Variants in NCKAP5 observed in about 807,000 individuals in gnomAD.
NCKAP5 encodes nck-associated protein 5.
Under a neutral mutation model 167.0 loss-of-function variants are expected in NCKAP5, and 92 were observed. That is an observed-to-expected ratio of 0.55 (90% CI 0.47 to 0.66). The LOEUF (loss-of-function observed/expected upper bound fraction) is 0.66, where lower values mean the gene tolerates loss of function less well. Ranked by LOEUF, NCKAP5 falls within the 30% of genes least tolerant of loss-of-function variation. NCKAP5 has a pLI of 0.00. For missense variants in NCKAP5, 2,378 were observed against 2,315.0 expected, an observed-to-expected ratio of 1.03 and a Z score of -0.56; for synonymous variants, 891 against 877.4, an observed-to-expected ratio of 1.02 and a Z score of -0.27.
chr2:133,664,700 A>T, the NCKAP5 span, among the ~76,000 whole-genome samples: 1 of 152,130 alleles, frequency 6.6e-6, no homozygotes, highest in Non-Finnish European at 1.5e-5. Flanking sequence ...AGGTTTCACC[A>T]TGTTGGCCAG....
intron 6 of NCKAP5, among the ~76,000 whole-genome samples, chr2:133,092,414 C>T (rs948543922): frequency 1.6e-4 from 24 of 152,278 alleles, no homozygotes; most frequent in African/African-American, 5.8e-4. Context: ...TCCCTAGAGC[C>T]TTCTGAAGGA....
chr2:133,118,732 A>T (rs1397434322), intron 6 of NCKAP5: 1 of 152,172 alleles, frequency 6.6e-6, no homozygotes, highest in African/African-American at 2.4e-5. Flanking sequence ...AGCTAAACAC[A>T]TATTGTCCAA....
chr2:133,585,549 C>T, the NCKAP5 span, among the ~76,000 whole-genome samples: 1 of 152,240 alleles, frequency 6.6e-6, no homozygotes, highest in South Asian at 2.1e-4. Flanking sequence ...AAATGAACAT[C>T]ACAAAATATC....
At chr2:132,679,485 C>G (rs1459827070) in intron 19 of NCKAP5, among the ~76,000 whole-genome samples, 1 of 152,110 alleles carries the variant, frequency 6.6e-6, no homozygotes, top group Non-Finnish European at 1.5e-5. Flanking sequence ...TACTACCACC[C>G]AACATCTCTG....
intron 15 of NCKAP5, 83 bp from the exon 16 acceptor site, chr2:132,773,977 C>A (rs1227028745): frequency 1.7e-6 from 2 of 1,157,756 alleles, no homozygotes; most frequent in African/African-American, 1.5e-5. Flanking sequence ...ATGGTACATT[C>A]TATAACAAAT....
chr2:133,355,421 T>C (rs1684642802), intron 3 of NCKAP5, among the ~76,000 whole-genome samples: 1 of 152,224 alleles, frequency 6.6e-6, no homozygotes, highest in Non-Finnish European at 1.5e-5. Context: ...CTTCTCAAGA[T>C]ATAAGATGCT....
At chr2:133,049,228 C>T (rs1559086814) in intron 6 of NCKAP5, among the ~76,000 whole-genome samples, 1 of 152,204 alleles carries the variant, frequency 6.6e-6, no homozygotes, top group East Asian at 1.9e-4. Flanking sequence ...TTCTCAAGTC[C>T]AGCAAACAGA....
chr2:133,116,748 C>G (rs1187202017), intron 6 of NCKAP5, among the ~76,000 whole-genome samples: 2 of 152,158 alleles, frequency 1.3e-5, no homozygotes, highest in Non-Finnish European at 2.9e-5. Flanking sequence ...ACAGACAGAC[C>G]TGACTTAAAT....
Position 133,205,292 on chromosome 2 carries a change from T to TAGATAGATAGATAGAC in NCKAP5, c.207+8423_207+8424insGTCTATCTATCTATCT, listed in dbSNP as rs1401539392. ...GGGTAACACAGCCAGACTCTGAAAT[T>TAGATAGATAGATAGAC]AGATAGATAGATAGATAGATAGATA... On this transcript the variant is annotated intron_variant, in intron 5 of 19. Coordinates refer to ENST00000409261, the MANE Select transcript of NCKAP5 (RefSeq NM_207363.3). 4.2e-3 allele frequency among the ~76,000 whole-genome samples: 183 copies of TAGATAGATAGATAGAC among 43,608 alleles called. 1 individual carries two copies. The highest frequency in any genetic ancestry group is 0.015 in the African/African-American group (175 of 11,704). The allele number at this position is 43,608 out of a possible 152,430, so 28.6% of individuals were successfully genotyped here. A position where few individuals can be genotyped will look rare whatever the true frequency, so the allele number is the denominator to read the frequency against.
chr2:133,528,023 C>T (rs1435728022), intron 2 of NCKAP5, among the ~76,000 whole-genome samples: 2 of 152,062 alleles, frequency 1.3e-5, no homozygotes, highest in Non-Finnish European at 2.9e-5. Flanking sequence ...TGTAATAATG[C>T]CAGTGCACTC....
chr2:133,177,875 T>C (rs111743531), intron 5 of NCKAP5, among the ~76,000 whole-genome samples: 7,883 of 152,204 alleles, frequency 0.052, 218 homozygotes, highest in African/African-American at 0.065. Flanking sequence ...CAATTCCCCG[T>C]TGGGGTGGTG....
chr2:132,674,819 A>G (rs1015015690), intron 19 of NCKAP5, among the ~76,000 whole-genome samples: 5 of 152,154 alleles, frequency 3.3e-5, no homozygotes, highest in African/African-American at 1.2e-4. Flanking sequence ...TGCTTATTTC[A>G]TTATACTACT....
At chr2:132,848,380 A>G (rs973061213) in intron 11 of NCKAP5, among the ~76,000 whole-genome samples, 1 of 152,170 alleles carries the variant, frequency 6.6e-6, no homozygotes, top group Non-Finnish European at 1.5e-5. Flanking sequence ...TGCAACATTA[A>G]TGATAACGGC....
intron 6 of NCKAP5, among the ~76,000 whole-genome samples, chr2:133,063,911 C>T (rs2080097922): frequency 6.6e-6 from 1 of 152,206 alleles, no homozygotes; most frequent in African/African-American, 2.4e-5. Flanking sequence ...TGCCATACTA[C>T]AGACTAAAGG....
chr2:133,646,548 T>C, the NCKAP5 span, among the ~76,000 whole-genome samples: 2 of 152,242 alleles, frequency 1.3e-5, no homozygotes, highest in Middle Eastern at 3.4e-3. Flanking sequence ...AAACAAAAGC[T>C]GAGGGAGTTT....
chr2:132,852,627 A>G (rs899827612), intron 11 of NCKAP5, among the ~76,000 whole-genome samples: 3 of 152,204 alleles, frequency 2.0e-5, no homozygotes, highest in African/African-American at 7.2e-5. Context: ...AGGGTAAGAC[A>G]ATTTTATAGT....
intron 9 of NCKAP5, among the ~76,000 whole-genome samples, chr2:132,877,550 A>C (rs1425695381): frequency 6.6e-6 from 1 of 152,188 alleles, no homozygotes; most frequent in Non-Finnish European, 1.5e-5. Flanking sequence ...GAGAATCTGC[A>C]TTCCCAATGA....
At chr2:133,579,384 C>G in the NCKAP5 span, among the ~76,000 whole-genome samples, 2 of 152,168 alleles carry the variant, frequency 1.3e-5, no homozygotes, top group Admixed American at 6.5e-5. Context: ...ATCAAGCAAT[C>G]AGGAATCTGG....
chr2:133,401,004 G>A (rs1688063291), intron 3 of NCKAP5, among the ~76,000 whole-genome samples: 1 of 152,106 alleles, frequency 6.6e-6, no homozygotes, highest in South Asian at 2.1e-4. Context: ...GTGACTCTTT[G>A]TGGGACCCTA....
Sources: allele counts gnomAD v4.1 joint callset (sites outside exome capture counted in the v4.1 genomes callset), GRCh38; gene constraint gnomAD v4.1.1; transcripts MANE v1.5; gene names NCBI Gene and HGNC (gene_info 2026-07-23, HGNC 2026-07-21).